CSMD1: variants seen among roughly 807,000 people sequenced by gnomAD.
The protein encoded by CSMD1 is CUB and Sushi multiple domains 1.
CSMD1 carries 213 observed loss-of-function variants against 417.5 expected under a neutral mutation model. The observed-to-expected ratio is 0.51, with a 90% CI of 0.46 to 0.57. The LOEUF (loss-of-function observed/expected upper bound fraction) is 0.57. Ranked by LOEUF, CSMD1 falls within the 20% of genes least tolerant of loss-of-function variation. The probability of loss-of-function intolerance (pLI) is 0.00; values close to 1 mark genes in which losing one functional copy is unlikely to be tolerated. For synonymous variants in CSMD1, 2,862 were observed against 1,736.8 expected (o/e 1.65, Z -16.11); for missense variants, 6,923 against 4,529.7 (o/e 1.53, Z -15.17).
At chr8:4,600,389 C>A (rs989493761) in intron 2 of CSMD1, among the ~76,000 whole-genome samples, 2 of 152,032 alleles carry the variant, frequency 1.3e-5, no homozygotes, top group Non-Finnish European at 2.9e-5. Flanking sequence ...CTATTAAGAC[C>A]AATATGAAAG....
intron 26 of CSMD1, among the ~76,000 whole-genome samples, chr8:3,255,533 C>T (rs936570028): frequency 6.6e-6 from 1 of 152,324 alleles, no homozygotes; most frequent in South Asian, 2.1e-4. Flanking sequence ...GAGCTTCCCA[C>T]CTGCTTTGTT....
Position 3,108,635 on chromosome 8 carries a change from G to T in CSMD1, c.6722C>A (p.Ser2241Ter), listed in dbSNP as rs755235827. Reference protein sequence around the residue: ...QVLLKFHSDFSNGGFFVLNFH... With the variant: ...QVLLKFHSDF ...ATTGAGGACAAAGAAGCCTCCATTT[G>T]AAAAGTCGCTGTGGAACTTGAGCAG... is the stretch of plus-strand genomic sequence containing the variant. Residue 2241 changes from serine (S) to a stop codon, truncating the protein, a stop_gained, in exon 44 of 70, where the codon TCA (serine) becomes TAA (stop). Coordinates refer to ENST00000635120, the MANE Select transcript of CSMD1 (RefSeq NM_033225.6). LOFTEE classifies it high-confidence loss of function. 1 of 1,613,790 alleles carries T rather than the reference G, an allele frequency of 6.2e-7. No homozygotes were observed. The highest frequency in any genetic ancestry group is 8.5e-7 in the Non-Finnish European group (1 of 1,179,838).
chr8:3,828,152 C>T (rs1044352224), intron 5 of CSMD1, among the ~76,000 whole-genome samples: 2 of 152,132 alleles, frequency 1.3e-5, no homozygotes, highest in African/African-American at 4.8e-5. Flanking sequence ...TTGAAAGTCA[C>T]TTAACATTTA....
intron 4 of CSMD1, among the ~76,000 whole-genome samples, chr8:4,002,914 A>G (rs891309582): frequency 6.6e-6 from 1 of 152,232 alleles, no homozygotes; most frequent in Non-Finnish European, 1.5e-5. Flanking sequence ...TCTCAAATTA[A>G]GCATTATCTC....
At chr8:4,830,691 A>G (rs77208913) in intron 1 of CSMD1, among the ~76,000 whole-genome samples, 3 of 152,370 alleles carry the variant, frequency 2.0e-5, no homozygotes, top group African/African-American at 4.8e-5. Context: ...ACTAATGCCA[A>G]TGGCAACACT....
chr8:4,605,910 A>G (rs531103655), intron 2 of CSMD1, among the ~76,000 whole-genome samples: 20 of 152,290 alleles, frequency 1.3e-4, no homozygotes, highest in African/African-American at 3.6e-4. Context: ...CCCGAGATCA[A>G]TGCTGGGAGA....
intron 3 of CSMD1, among the ~76,000 whole-genome samples, chr8:4,381,230 T>A (rs1416563482): frequency 6.6e-6 from 1 of 152,114 alleles, no homozygotes; most frequent in Non-Finnish European, 1.5e-5. Flanking sequence ...GCTGTCCCAG[T>A]GAGATTAGGG....
At chr8:3,923,816 T>A (rs1309006565) in intron 5 of CSMD1, among the ~76,000 whole-genome samples, 1 of 152,212 alleles carries the variant, frequency 6.6e-6, no homozygotes, top group Non-Finnish European at 1.5e-5. Context: ...ACTCCCTGCG[T>A]CTGAGTTTCA....
At chr8:3,911,682 T>G (rs1399742677) in intron 5 of CSMD1, among the ~76,000 whole-genome samples, 3 of 152,182 alleles carry the variant, frequency 2.0e-5, no homozygotes, top group Admixed American at 6.5e-5. Context: ...TTGTCGGAGC[T>G]GCCATAAGCA....
At chr8:3,446,603 A>G (rs1437223197) in intron 12 of CSMD1, among the ~76,000 whole-genome samples, 1 of 152,216 alleles carries the variant, frequency 6.6e-6, no homozygotes, top group Non-Finnish European at 1.5e-5. Flanking sequence ...TCTCCTAACA[A>G]AGGTTTCACT....
At chr8:3,977,617 G>A (rs759767828) in intron 5 of CSMD1, among the ~76,000 whole-genome samples, 10 of 152,200 alleles carry the variant, frequency 6.6e-5, no homozygotes, top group African/African-American at 9.7e-5. Flanking sequence ...TGAGTGCTAA[G>A]AAGAGCATTG....
chr8:3,843,931 A>C (rs1391555548), intron 5 of CSMD1, among the ~76,000 whole-genome samples: 3 of 152,190 alleles, frequency 2.0e-5, no homozygotes, highest in Non-Finnish European at 2.9e-5. Flanking sequence ...TTGCATGCGC[A>C]CAAGGTTATC....
rs141946150 is a variant in CSMD1, at chr8:3,067,135, C to T, written c.7475-14488G>A. 2.5e-3 allele frequency among the ~76,000 whole-genome samples: 374 copies of T among 152,238 alleles called. 2 individuals carry two copies. The highest frequency in any genetic ancestry group is 8.4e-3 in the African/African-American group (347 of 41,540). Reference sequence around the variant, plus strand: ...CAGTCTACGGAATGAATGGACCCCACGTATGCACCTCTCGACCTGTCTGAG... The same window carrying T: ...CAGTCTACGGAATGAATGGACCCCATGTATGCACCTCTCGACCTGTCTGAG... On this transcript the variant is annotated intron_variant, in intron 49 of 69. Transcript: ENST00000635120.
intron 1 of CSMD1, among the ~76,000 whole-genome samples, chr8:4,770,160 T>C (rs760391877): frequency 3.3e-5 from 5 of 150,726 alleles, no homozygotes; most frequent in Non-Finnish European, 5.9e-5. Context: ...ACAGATTCAA[T>C]ACATATTCCT....
intron 12 of CSMD1, among the ~76,000 whole-genome samples, chr8:3,464,435 A>G (rs1474739141): frequency 6.6e-6 from 1 of 152,118 alleles, no homozygotes; most frequent in Non-Finnish European, 1.5e-5. Flanking sequence ...TCTGTGGACT[A>G]ACAATCAGTT....
intron 3 of CSMD1, among the ~76,000 whole-genome samples, chr8:4,098,175 T>C (rs556459108): frequency 4.6e-5 from 7 of 152,294 alleles, no homozygotes; most frequent in African/African-American, 1.7e-4. Context: ...GTTTTGCAGC[T>C]TTAGAATAAA....
At chr8:3,969,187 T>A (rs1472601106) in intron 5 of CSMD1, among the ~76,000 whole-genome samples, 1 of 152,154 alleles carries the variant, frequency 6.6e-6, no homozygotes, top group Admixed American at 6.6e-5. Flanking sequence ...GAGGCAGTGG[T>A]TGCAGTGAGC....
chr8:3,936,483 T>C (rs1810506031), intron 5 of CSMD1, among the ~76,000 whole-genome samples: 1 of 152,196 alleles, frequency 6.6e-6, no homozygotes, highest in Admixed American at 6.5e-5. Flanking sequence ...CCAGTGCTCA[T>C]CTACCATTAC....
rs547107906 is a variant in CSMD1 at position 3,948,227 on chromosome 8, T to C, written c.818+49676A>G. ...TAAATAATAACAATAATAATAATAA[T>C]AACAACAAGTGTCGCAGACATAGTA... is the stretch of plus-strand genomic sequence containing the variant. On this transcript the variant is annotated intron_variant, in intron 5 of 69. Transcript: ENST00000635120. Among the ~76,000 whole-genome samples, 270 of 152,110 alleles carry C rather than the reference T, an allele frequency of 1.8e-3. 1 individual carries two copies. The highest frequency in any genetic ancestry group is 5.9e-3 in the African/African-American group (245 of 41,500).
Sources: gnomAD v4.1 joint callset for allele counts (sites outside exome capture counted in the v4.1 genomes callset) on GRCh38, gnomAD v4.1.1 for gene constraint, MANE v1.5 for transcripts, NCBI Gene and HGNC (gene_info 2026-07-23, HGNC 2026-07-21) for gene names.